PBX1: variants seen among roughly 807,000 people sequenced by gnomAD.
PBX1 encodes the protein PBX homeobox 1, also known as pre-B-cell leukemia transcription factor 1.
Under a neutral mutation model 53.4 loss-of-function variants are expected in PBX1, and 6 were observed. The observed-to-expected ratio is 0.11, with a 90% CI of 0.06 to 0.22. The LOEUF is 0.22. Among genes scored for constraint, PBX1 ranks in the 10% least tolerant of loss-of-function variants. PBX1 has a pLI of 1.00. For synonymous variants in PBX1, 204 were observed against 212.3 expected, an observed-to-expected ratio of 0.96 and a Z score of 0.34; for missense variants, 251 against 551.4, an observed-to-expected ratio of 0.46 and a Z score of 5.46.
chr1:164,618,275 AC>A (rs1657415924), intron 2 of PBX1, among the ~76,000 whole-genome samples: 1 of 119,426 alleles, frequency 8.4e-6, no homozygotes, highest in South Asian at 3.6e-4. Context: ...AAGTTGACTT[AC>A]CCCAGGGAGA....
intron 2 of PBX1, among the ~76,000 whole-genome samples, chr1:164,591,302 G>A (rs150786581): frequency 7.9e-4 from 120 of 152,264 alleles, no homozygotes; most frequent in Non-Finnish European, 1.5e-3. Flanking sequence ...GTCAGCCACC[G>A]CTCCTGGCCC....
intron 3 of PBX1, among the ~76,000 whole-genome samples, chr1:164,797,949 T>C (rs1668867214): frequency 6.6e-6 from 1 of 152,224 alleles, no homozygotes; most frequent in Non-Finnish European, 1.5e-5. Context: ...GCCTCTCTGC[T>C]GTGTTCATGT....
intron 2 of PBX1, among the ~76,000 whole-genome samples, chr1:164,863,498 T>A (rs919757870): frequency 2.0e-5 from 3 of 152,182 alleles, no homozygotes; most frequent in African/African-American, 7.2e-5. Flanking sequence ...TGGGGGTATC[T>A]AATATCAATC....
At chr1:164,830,341 A>G (rs796958886) in intron 8 of PBX1, among the ~76,000 whole-genome samples, 5 of 152,338 alleles carry the variant, frequency 3.3e-5, no homozygotes, top group African/African-American at 1.2e-4. Flanking sequence ...TGACGGTGTT[A>G]GAGGTGTCAC....
At chr1:164,645,293 G>T (rs1170566252) in intron 2 of PBX1, among the ~76,000 whole-genome samples, 2 of 152,142 alleles carry the variant, frequency 1.3e-5, no homozygotes, top group African/African-American at 4.8e-5. Context: ...GCCAGCAGAG[G>T]CCAGACCTTT....
chr1:164,819,766 A>T (rs1670057748), intron 6 of PBX1: 1 of 248,774 alleles, frequency 4.0e-6, no homozygotes, highest in Non-Finnish European at 7.7e-6. Context: ...AGGTCTAGAG[A>T]CTACAATCCA....
intron 3 of PBX1, among the ~76,000 whole-genome samples, chr1:164,798,495 G>A (rs1436757484): frequency 6.6e-6 from 1 of 152,214 alleles, no homozygotes; most frequent in East Asian, 1.9e-4. Flanking sequence ...AAAAGAGAGG[G>A]CAGGAGTTTT....
intron 1 of PBX1, among the ~76,000 whole-genome samples, chr1:164,561,325 A>G (rs544766229): frequency 2.4e-4 from 37 of 152,338 alleles, no homozygotes; most frequent in African/African-American, 8.7e-4. Context: ...ATTATACTCA[A>G]TTTTAGCTGC....
intron 2 of PBX1, among the ~76,000 whole-genome samples, chr1:164,791,560 T>G (rs1668509062): frequency 6.6e-6 from 1 of 152,214 alleles, no homozygotes; most frequent in Non-Finnish European, 1.5e-5. Context: ...TCTGAAGATT[T>G]CGTTCCACAT....
rs572780075 is a variant in PBX1, at chr1:164,708,940, G to A, written c.266-83554G>A. Among the ~76,000 whole-genome samples the A allele has an allele frequency of 9.2e-5, 14 of 152,334 alleles. No individual in the cohort carries two copies. In the South Asian group the frequency reaches 2.9e-3, roughly 32 times the overall value. On this transcript the variant is annotated intron_variant, in intron 2 of 8. Transcript: ENST00000420696. ...ACTACTTATTGAGTGCTGACTGTAT[G>A]CCAGGTACCATGGTAGGTGCTGGGG...
chr1:164,847,178 C>T lies in PBX1; in HGVS notation c.*502C>T, dbSNP rs41266618. 3,223 of 1,084,914 alleles carry T rather than the reference C, an allele frequency of 3.0e-3. 25 individuals are homozygous for T. The highest frequency in any genetic ancestry group is 0.025 in the Admixed American group (542 of 22,002). The allele number at this position is 1,084,914 out of a possible 1,614,324, so 67.2% of individuals were successfully genotyped here. A position where few individuals can be genotyped will look rare whatever the true frequency, so the allele number is the denominator to read the frequency against. On this transcript the variant is annotated 3_prime_UTR_variant, in exon 9 of 9. Transcript: ENST00000420696. The stretch of plus-strand genomic sequence containing the variant: ...TCTTATTACTCTCACTACCTCTTAG[C>T]AGGAATACTCCACATTGCCCTATTC...
At chr1:164,800,910 A>T (rs1187959191) in intron 4 of PBX1, among the ~76,000 whole-genome samples, 1 of 152,152 alleles carries the variant, frequency 6.6e-6, no homozygotes, top group Admixed American at 6.5e-5. Context: ...TTTCAATGAG[A>T]TAAAACAATT....
intron 2 of PBX1, among the ~76,000 whole-genome samples, chr1:164,583,339 A>G (rs897912597): frequency 1.3e-5 from 2 of 151,576 alleles, no homozygotes; most frequent in South Asian, 2.1e-4. Context: ...GAGAGAGGCT[A>G]TTGTCTTGTA....
chr1:164,794,684 G>A (rs60802022), intron 3 of PBX1, among the ~76,000 whole-genome samples: 1 of 151,928 alleles, frequency 6.6e-6, no homozygotes, highest in Non-Finnish European at 1.5e-5. Flanking sequence ...AACCTAAAAG[G>A]GTAATTATGG....
chr1:164,623,198 C>T (rs530354681), intron 2 of PBX1, among the ~76,000 whole-genome samples: 3 of 152,238 alleles, frequency 2.0e-5, no homozygotes, highest in South Asian at 4.1e-4. Context: ...AGCCCCGCCT[C>T]GTTACACACA....
chr1:164,742,472 G>A (rs1665663423), intron 2 of PBX1, among the ~76,000 whole-genome samples: 1 of 152,134 alleles, frequency 6.6e-6, no homozygotes, highest in South Asian at 2.1e-4. Context: ...AACCTGGGAG[G>A]CAAAGGTTGC....
At chr1:164,715,503 T>C (rs1264041550) in intron 2 of PBX1, among the ~76,000 whole-genome samples, 2 of 152,348 alleles carry the variant, frequency 1.3e-5, no homozygotes, top group East Asian at 3.9e-4. Flanking sequence ...CATATTGCTA[T>C]GGCATTCTTG....
intron 2 of PBX1, among the ~76,000 whole-genome samples, chr1:164,775,734 C>T (rs961329956): frequency 6.6e-6 from 1 of 152,200 alleles, no homozygotes; most frequent in Non-Finnish European, 1.5e-5. Flanking sequence ...CTGCTTAATA[C>T]TGGCTTTTAA....
chr1:164,603,973 C>A, intron 2 of PBX1, among the ~76,000 whole-genome samples: 1 of 93,272 alleles, frequency 1.1e-5, no homozygotes, highest in Non-Finnish European at 2.0e-5. Context: ...AGAGATGAGT[C>A]TCTGTCACCC....
Sources: gnomAD v4.1 joint callset for allele counts (sites outside exome capture counted in the v4.1 genomes callset) on GRCh38, gnomAD v4.1.1 for gene constraint, MANE v1.5 for transcripts, NCBI Gene and HGNC (gene_info 2026-07-23, HGNC 2026-07-21) for gene names.